The following SLC5A10 variants were observed in gnomAD, a reference collection of about 807,000 sequenced individuals.
SLC5A10 encodes sodium/mannose cotransporter SLC5A10.
SLC5A10 carries 55 observed loss-of-function variants against 68.9 expected under a neutral mutation model. The observed-to-expected ratio is 0.80, with a 90% CI of 0.64 to 1.00. The LOEUF is 1.00. SLC5A10 is among the 50% of genes least tolerant of loss of function. The pLI is 0.00. For missense variants in SLC5A10, 732 were observed against 819.3 expected, an observed-to-expected ratio of 0.89 and a Z score of 1.30; for synonymous variants, 344 against 344.8, an observed-to-expected ratio of 1.00 and a Z score of 0.02.
Position 19,003,414 on chromosome 17 carries a change from T to C in SLC5A10, c.983-9996T>C. On this transcript the variant is annotated intron_variant, in intron 9 of 14. Coordinates refer to ENST00000395645, the MANE Select transcript of SLC5A10 (RefSeq NM_001042450.4). The surrounding 1 kb of genome is among the most constrained non-coding windows in gnomAD (Gnocchi z 4.5). The stretch of plus-strand genomic sequence containing the variant: ...AGCCAGGGAAAACAGCAGAGATCCC[T>C]AGAAGCCCATGTTGGGCTCCCGTTT... 8.0e-7 allele frequency: 1 copy of C among 1,245,346 alleles called. No homozygotes were observed. Among genetic ancestry groups the C allele is most frequent in the Non-Finnish European group, 1.1e-6 (1 of 940,972 alleles). 77.1% of individuals were successfully genotyped at this position (1,245,346 alleles called of 1,614,324 possible). A position where few individuals can be genotyped will look rare whatever the true frequency, so the allele number is the denominator to read the frequency against.
At chr17:18,973,804 T>G (rs1036514502) in intron 8 of SLC5A10, among the ~76,000 whole-genome samples, 2 of 152,040 alleles carry the variant, frequency 1.3e-5, no homozygotes, top group African/African-American at 4.8e-5. Context: ...TTCAAGTGAT[T>G]CTCCTGTCTC....
chr17:18,954,620 T>G (rs556522749), intron 1 of SLC5A10, among the ~76,000 whole-genome samples: 2 of 152,020 alleles, frequency 1.3e-5, no homozygotes, highest in Non-Finnish European at 2.9e-5. Flanking sequence ...CCTGCAAAGA[T>G]GTTTAGATGG....
chr17:19,015,361 T>G (rs1319477935), intron 11 of SLC5A10, among the ~76,000 whole-genome samples, 162 bp downstream of exon 11: 1 of 152,088 alleles, frequency 6.6e-6, no homozygotes, highest in Non-Finnish European at 1.5e-5. Flanking sequence ...ACCTCTCACA[T>G]TGCTCTCCTG....
chr17:18,969,316 T>C (rs769882456), intron 6 of SLC5A10, 26 bp from the exon 7 acceptor site: 2 of 1,610,788 alleles, frequency 1.2e-6, no homozygotes, highest in African/African-American at 2.7e-5. Flanking sequence ...CAGGGCCCCC[T>C]CCAGCAACCT....
rs568408635 is a variant in SLC5A10, at chr17:19,004,073, G to T, written c.983-9337G>T. Reference sequence around the variant, plus strand: ...GCCTGCCCGGGCACTGCTGCCGGGGGTGGGTGGGCAAGGTCCAGCTCCTAG... The same window carrying T: ...GCCTGCCCGGGCACTGCTGCCGGGGTTGGGTGGGCAAGGTCCAGCTCCTAG... On this transcript the variant is annotated intron_variant, in intron 9 of 14. Transcript: ENST00000395645. The surrounding 1 kb of genome is among the most constrained non-coding windows in gnomAD (Gnocchi z 5.4). 1.1e-5 allele frequency: 17 copies of T among 1,553,246 alleles called. No individual in the cohort carries two copies. The Admixed American group carries it at 3.0e-4, about 27-fold the overall frequency.
rs1410192178 is a variant in SLC5A10 at position 19,022,031 on chromosome 17, G to A, written c.*1600G>A. On this transcript the variant is annotated 3_prime_UTR_variant, in exon 15 of 15. Coordinates refer to ENST00000395645, the MANE Select transcript of SLC5A10 (RefSeq NM_001042450.4). Reference sequence around the variant, plus strand: ...GCCCGCAGGACCGGCCCCGCCACCAGTGGGGGTCTGGGCGCTCCAGGACCT... The same window carrying A: ...GCCCGCAGGACCGGCCCCGCCACCAATGGGGGTCTGGGCGCTCCAGGACCT... 1.7e-5 allele frequency: 27 copies of A among 1,600,506 alleles called. No individual in the cohort carries two copies. The highest frequency in any genetic ancestry group is 2.1e-5 in the Non-Finnish European group (25 of 1,174,166).
chr17:18,975,302 T>C (rs1426511105), intron 8 of SLC5A10, among the ~76,000 whole-genome samples: 1 of 152,186 alleles, frequency 6.6e-6, no homozygotes, highest in Non-Finnish European at 1.5e-5. Context: ...CAGGCATTCC[T>C]AGCCTCTGTA....
intron 9 of SLC5A10, among the ~76,000 whole-genome samples, chr17:18,988,718 T>C (rs937874962): frequency 2.6e-5 from 4 of 152,244 alleles, no homozygotes; most frequent in Non-Finnish European, 5.9e-5. Context: ...ATGAACCTGA[T>C]GTGTCAATGA....
intron 5 of SLC5A10, among the ~76,000 whole-genome samples, chr17:18,964,396 A>G (rs2042670904): frequency 6.6e-6 from 1 of 152,144 alleles, no homozygotes; most frequent in African/African-American, 2.4e-5. Context: ...ATAAGGCATG[A>G]CTGGGCCTGG....
intron 5 of SLC5A10, among the ~76,000 whole-genome samples, chr17:18,960,862 G>C (rs1021336369): frequency 1.3e-5 from 2 of 152,206 alleles, no homozygotes; most frequent in Admixed American, 1.3e-4. Flanking sequence ...TCAGCAGCCA[G>C]CCCTAGTCAG....
chr17:18,978,807 C>A (rs1376162613), intron 9 of SLC5A10: 2 of 1,612,970 alleles, frequency 1.2e-6, no homozygotes, highest in Admixed American at 3.3e-5. Context: ...CCAGACAGCA[C>A]AGAGATCACA....
In SLC5A10 at chr17:19,020,140, A is replaced by G; in HGVS notation, c.1627-15A>G. 1 of 1,438,504 alleles carries G rather than the reference A, an allele frequency of 7.0e-7. No individual in the cohort carries two copies. The allele number at this position is 1,438,504 out of a possible 1,614,324, so 89.1% of individuals were successfully genotyped here. ...ATCCCCCACCCCCAACCCTATCCTC[A>G]CTCATTTCTTACAGATTGAGAACCT... On this transcript the variant is annotated splice_polypyrimidine_tract_variant and intron_variant, in intron 13 of 14. Transcript: ENST00000395645.
intron 9 of SLC5A10, among the ~76,000 whole-genome samples, chr17:18,993,172 C>CCCCTCTCCCCGACGCTTCCTGAT (rs1287819006): frequency 6.6e-6 from 1 of 152,132 alleles, no homozygotes; most frequent in Non-Finnish European, 1.5e-5. Flanking sequence ...CGCATCCTGA[C>CCCCTCTCCCCGACGCTTCCTGAT]CCCTCTCCCC....
chr17:19,015,344 C>G (rs1039180669), intron 11 of SLC5A10, 145 bp downstream of exon 11: 21 of 606,656 alleles, frequency 3.5e-5, no homozygotes, highest in South Asian at 2.9e-4. Context: ...TGTACCCCAT[C>G]CATACCACCT....
chr17:18,979,258 C>T, intron 9 of SLC5A10: 2 of 486,852 alleles, frequency 4.1e-6, no homozygotes, highest in East Asian at 7.4e-5. Context: ...TGGCCCCATC[C>T]CTAAGGACGG....
chr17:18,977,740 G>A lies in SLC5A10; in HGVS notation c.982+751G>A, dbSNP rs1597847666. ...CACTCAGCTGCCGGCGCGGTGGTGG[G>A]GTTGGCCCGTTGGCCACTTGCTCTG... On this transcript the variant is annotated intron_variant, in intron 9 of 14. Coordinates refer to ENST00000395645, the MANE Select transcript of SLC5A10 (RefSeq NM_001042450.4). 4.4e-6 allele frequency: 7 copies of A among 1,606,936 alleles called. No homozygotes were observed. In the East Asian group the frequency reaches 1.1e-4, roughly 26 times the overall value.
intron 9 of SLC5A10, among the ~76,000 whole-genome samples, chr17:18,985,652 C>A (rs1247177840): frequency 6.6e-6 from 1 of 152,222 alleles, no homozygotes; most frequent in African/African-American, 2.4e-5. Flanking sequence ...CTCTGGCCAC[C>A]CGCCCAGGGC....
rs775265448 is a variant in SLC5A10, at chr17:19,022,005, C to T, written c.*1574C>T. 2.7e-5 allele frequency: 43 copies of T among 1,594,206 alleles called. No homozygotes were observed. In the South Asian group the frequency reaches 3.5e-4, roughly 13 times the overall value. On this transcript the variant is annotated 3_prime_UTR_variant, in exon 15 of 15. Transcript: ENST00000395645. ...GTAACTCCGTGGGAAGAAGCCAACG[C>T]GCCCGCAGGACCGGCCCCGCCACCA...
chr17:18,978,673 C>T (rs1206277746), intron 9 of SLC5A10: 2 of 1,612,962 alleles, frequency 1.2e-6, no homozygotes, highest in Non-Finnish European at 1.7e-6. Flanking sequence ...CCAGGGGGAC[C>T]ACAGAGGGCA....
Sources: allele counts gnomAD v4.1 joint callset (sites outside exome capture counted in the v4.1 genomes callset), GRCh38; gene constraint gnomAD v4.1.1; non-coding constraint Gnocchi (gnomAD v3.1); transcripts MANE v1.5; gene names NCBI Gene and HGNC (gene_info 2026-07-23, HGNC 2026-07-21).